The following SUMF1 variants were observed in gnomAD, a reference collection of about 807,000 sequenced individuals.
SUMF1 encodes the protein formylglycine-generating enzyme.
In SUMF1, 48 loss-of-function variants were observed where a neutral mutation model predicts 47.6. The observed-to-expected ratio is 1.01, with a 90% CI of 0.80 to 1.28. The LOEUF (loss-of-function observed/expected upper bound fraction) is 1.28, where lower values mean the gene tolerates loss of function less well. Among genes scored for constraint, SUMF1 ranks in the 50% most tolerant of loss-of-function variants. The pLI is 0.00. For synonymous variants in SUMF1, 230 were observed against 192.1 expected (o/e 1.20, Z -1.63); for missense variants, 571 against 485.4 (o/e 1.18, Z -1.66).
chr3:4,347,008 C>T (rs763028630), intron 8 of SUMF1, among the ~76,000 whole-genome samples: 80 of 152,040 alleles, frequency 5.3e-4, no homozygotes, highest in Non-Finnish European at 2.5e-4. Context: ...CTGAATAGAC[C>T]GATAACAAGC....
At chr3:4,186,602 C>T (rs937410878) in intron 8 of SUMF1, among the ~76,000 whole-genome samples, 2 of 152,078 alleles carry the variant, frequency 1.3e-5, no homozygotes, top group Admixed American at 6.6e-5. Flanking sequence ...AATCTCAGTT[C>T]ATTTGTGCTG....
At chr3:4,462,698 A>AAAAAT (rs1266446215) in intron 1 of SUMF1, among the ~76,000 whole-genome samples, 1 of 152,210 alleles carries the variant, frequency 6.6e-6, no homozygotes, top group Admixed American at 6.5e-5. Context: ...CCCTCTAATA[A>AAAAAT]AAAATAAAAT....
chr3:4,410,992 C>G lies in SUMF1; in HGVS notation c.841-14G>C, dbSNP rs9852367. Reference sequence around the variant, plus strand: ...GAAGGCATCAACCTAAAAACAAAGACAGGAAAAATGCTGTCAAACTATTCA... The same window carrying G: ...GAAGGCATCAACCTAAAAACAAAGAGAGGAAAAATGCTGTCAAACTATTCA... On this transcript the variant is annotated splice_polypyrimidine_tract_variant and intron_variant, in intron 6 of 8. Transcript: ENST00000272902. The G allele has an allele frequency of 6.9e-6, 11 of 1,605,074 alleles. No individual in the cohort carries two copies. The highest frequency in any genetic ancestry group is 9.4e-6 in the Non-Finnish European group (11 of 1,171,916).
In SUMF1 at chr3:4,055,026, A is replaced by G. The variant is rs988635853; in HGVS notation, c.1191+13543T>C. 4.6e-5 allele frequency among the ~76,000 whole-genome samples: 7 copies of G among 152,088 alleles called. 1 individual carries two copies. The highest frequency in any genetic ancestry group is 1.0e-4 in the Non-Finnish European group (7 of 68,020). On this transcript the variant is annotated intron_variant and NMD_transcript_variant, in intron 9 of 12. Coordinates refer to the SUMF1 transcript ENST00000448413. ...ATGCCTTACAAACAGCACTTAACCAACAGGCTGGATGACTTCGCTAGTTCA... is the reference window on the plus strand; with the variant it reads ...ATGCCTTACAAACAGCACTTAACCAGCAGGCTGGATGACTTCGCTAGTTCA...
In SUMF1 at chr3:4,467,194, G is replaced by A; in HGVS notation, c.52C>T (p.Leu18Phe). 1 of 1,611,166 alleles carries A rather than the reference G, an allele frequency of 6.2e-7. No individual in the cohort carries two copies. The highest frequency in any genetic ancestry group is 8.5e-7 in the Non-Finnish European group (1 of 1,179,168). Residue 18 changes from leucine (L) to phenylalanine (F), a missense_variant, in exon 1 of 9, where the codon CTC (leucine) becomes TTC (phenylalanine). Physicochemically the swap from Leu to Phe is conservative, Grantham distance 22 (BLOSUM62 0). Coordinates refer to ENST00000272902, the MANE Select transcript of SUMF1 (RefSeq NM_182760.4). ...GAGAGCAGCAGCAGCAAGAGGACGA[G>A]ACCCAGCTCAGGGCAACGTCCACAC... The part of the protein sequence containing the change: ...LVCGRCPELG[L>F]VLLLLLLSLL...
At chr3:4,395,611 A>G (rs762437410) in intron 7 of SUMF1, among the ~76,000 whole-genome samples, 25 of 152,166 alleles carry the variant, frequency 1.6e-4, no homozygotes, top group Non-Finnish European at 4.4e-5. Context: ...TCTCTGTAAA[A>G]CCAGCATGCC....
intron 8 of SUMF1, among the ~76,000 whole-genome samples, chr3:4,080,469 T>C (rs1419318827): frequency 1.3e-5 from 2 of 152,112 alleles, no homozygotes. Context: ...CTTCTTTTTT[T>C]TAATTGAATC....
At chr3:4,165,010 T>A (rs1238496104) in intron 8 of SUMF1, among the ~76,000 whole-genome samples, 1 of 152,102 alleles carries the variant, frequency 6.6e-6, no homozygotes, top group African/African-American at 2.4e-5. Flanking sequence ...GGTCAGCAGA[T>A]GTTTATGAAT....
At position 4,456,692 on chromosome 3, in the gene SUMF1, G is replaced by GTGTGTA. The variant is rs1553588969; in HGVS notation, c.271-3644_271-3643insTACACA. On this transcript the variant is annotated intron_variant, in intron 1 of 8. Transcript: ENST00000272902. Reference sequence around the variant, plus strand: ...TATATACGTGTATATATATATGTGTGTATATATATATACGTATATATATAC... The same window carrying GTGTGTA: ...TATATACGTGTATATATATATGTGTGTGTGTATATATATATATACGTATATATATAC... Among the ~76,000 whole-genome samples, 227 of 131,048 alleles carry GTGTGTA rather than the reference G, an allele frequency of 1.7e-3. 8 individuals are homozygous for GTGTGTA. Among genetic ancestry groups the GTGTGTA allele is most frequent in the Middle Eastern group, 8.8e-3 (2 of 228 alleles). 86.0% of individuals were successfully genotyped at this position (131,048 alleles called of 152,430 possible).
In SUMF1 at chr3:4,217,602, C is replaced by T. The variant is rs113279992; in HGVS notation, c.1015-148857G>A. On this transcript the variant is annotated intron_variant and NMD_transcript_variant, in intron 8 of 12. Transcript: ENST00000448413. ...GAGACAACATTTTGTATATATTTCA[C>T]GATTTCTTTTTAGGGAAATGTACAA... Among the ~76,000 whole-genome samples, 7 of 128,314 alleles carry T rather than the reference C, an allele frequency of 5.5e-5. No individual in the cohort carries two copies. The East Asian group carries it at 9.0e-4, about 16-fold the overall frequency. 84.2% of individuals were successfully genotyped at this position (128,314 alleles called of 152,430 possible).
chr3:4,041,110 T>C (rs1212061180), intron 9 of SUMF1, among the ~76,000 whole-genome samples: 2 of 152,212 alleles, frequency 1.3e-5, no homozygotes, highest in Non-Finnish European at 1.5e-5. Context: ...TCTCACTCTG[T>C]AGCCCAGGCT....
intron 8 of SUMF1, among the ~76,000 whole-genome samples, chr3:4,282,815 A>T (rs1239641890): frequency 6.6e-6 from 1 of 152,192 alleles, no homozygotes; most frequent in African/African-American, 2.4e-5. Flanking sequence ...TGGAGACTTA[A>T]TATCTCCAAA....
chr3:4,253,861 C>T (rs1696872835), intron 8 of SUMF1, among the ~76,000 whole-genome samples: 1 of 149,716 alleles, frequency 6.7e-6, no homozygotes, highest in Non-Finnish European at 1.5e-5. Context: ...TTAAATGTCC[C>T]TGTCTGACAG....
At chr3:4,313,290 C>A (rs377114107) in intron 8 of SUMF1, 3 of 1,613,912 alleles carry the variant, frequency 1.9e-6, no homozygotes, top group Non-Finnish European at 2.5e-6. Flanking sequence ...GAAGAATTCA[C>A]TTACAAACAA....
chr3:4,448,318 G>A (rs1559306646), intron 3 of SUMF1, among the ~76,000 whole-genome samples: 1 of 152,106 alleles, frequency 6.6e-6, no homozygotes, highest in Admixed American at 6.5e-5. Flanking sequence ...GCTCACGAGA[G>A]GACAGAGTGA....
At chr3:4,336,224 T>TA (rs1276336359) in intron 8 of SUMF1, among the ~76,000 whole-genome samples, 2 of 151,924 alleles carry the variant, frequency 1.3e-5, no homozygotes, top group Non-Finnish European at 2.9e-5. Flanking sequence ...CTTTAGTATT[T>TA]AAAGGGGAAA....
intron 8 of SUMF1, among the ~76,000 whole-genome samples, chr3:4,199,314 T>C (rs535901671): frequency 1.3e-5 from 2 of 152,306 alleles, no homozygotes; most frequent in Non-Finnish European, 2.9e-5. Flanking sequence ...GTATAAGTAG[T>C]TTGCTCCTTC....
At chr3:4,091,651 G>A (rs559765742) in intron 8 of SUMF1, among the ~76,000 whole-genome samples, 1 of 152,114 alleles carries the variant, frequency 6.6e-6, no homozygotes, top group South Asian at 2.1e-4. Flanking sequence ...CATTTTTATT[G>A]CAATCAACCA....
chr3:4,039,209 A>ATTTTTT (rs775459424), intron 9 of SUMF1, among the ~76,000 whole-genome samples: 855 of 39,420 alleles, frequency 0.022, 34 homozygotes, highest in African/African-American at 0.027. Context: ...ATCTATGCAA[A>ATTTTTT]TTTTTTTTTT....
Sources: allele counts gnomAD v4.1 joint callset (sites outside exome capture counted in the v4.1 genomes callset), GRCh38; gene constraint gnomAD v4.1.1; transcripts MANE v1.5; gene names NCBI Gene and HGNC (gene_info 2026-07-23, HGNC 2026-07-21).